The following AIMP2 variants were observed in gnomAD, a reference collection of about 807,000 sequenced individuals.
The protein encoded by AIMP2 is aminoacyl tRNA synthetase complex interacting multifunctional protein 2, also known as aminoacyl tRNA synthase complex-interacting multifunctional protein 2.
Under a neutral mutation model 23.4 loss-of-function variants are expected in AIMP2, and 20 were observed. The ratio of observed to expected loss-of-function variants is 0.85; its 90% CI spans 0.60 to 1.24. The LOEUF (loss-of-function observed/expected upper bound fraction) is 1.24. AIMP2 is among the 50% of genes most tolerant of loss of function. The probability of loss-of-function intolerance (pLI) is 0.00; values close to 1 mark genes in which losing one functional copy is unlikely to be tolerated. For synonymous variants in AIMP2, 210 were observed against 170.4 expected, an observed-to-expected ratio of 1.23 and a Z score of -1.81; for missense variants, 515 against 414.5, an observed-to-expected ratio of 1.24 and a Z score of -2.10.
Position 6,017,951 on chromosome 7 carries a change from C to G in AIMP2, c.480C>G (p.Ser160Arg). ...STVHTHSSVK[S>R]VPENLLKCFG... is the part of the protein sequence containing the mutation. ...TGCACACGCACTCCTCGGTCAAGAG[C>G]GTGCCTGAAAACCTTCTCAAGTGCT... The change falls in exon 3 of 4, where the codon AGC becomes AGG. Residue 160 changes from serine (S) to arginine (R), a missense_variant. Ser to Arg is a moderately radical substitution (Grantham distance 110). Coordinates refer to ENST00000223029, the MANE Select transcript of AIMP2 (RefSeq NM_006303.4). The G allele has an allele frequency of 6.2e-7, 1 of 1,614,030 alleles. No individual in the cohort carries two copies. The highest frequency in any genetic ancestry group is 8.5e-7 in the Non-Finnish European group (1 of 1,180,022).
At chr7:6,022,861 G>A (rs2128882725) in intron 3 of AIMP2, 1 of 166,848 alleles carries the variant, frequency 6.0e-6, no homozygotes, top group Non-Finnish European at 1.3e-5. Flanking sequence ...CTATCCCACA[G>A]ATGTATGCCT....
rs1167436165 is a variant in AIMP2 at position 6,017,905 on chromosome 7, A to G, written c.434A>G (p.His145Arg). The G allele has an allele frequency of 1.2e-6, 2 of 1,613,928 alleles. No individual in the cohort carries two copies. The highest frequency in any genetic ancestry group is 8.5e-7 in the Non-Finnish European group (1 of 1,180,034). Residue 145 changes from histidine to arginine, a missense_variant, in exon 3 of 4, where the codon CAC (histidine) becomes CGC (arginine). Transcript: ENST00000223029. ...LLVLHRLLCE[H>R]FRVLSTVHTH... ...GTGCTGCACAGGCTGCTCTGTGAGC[A>G]CTTCAGGGTCCTGTCCACGGTGCAC... is the stretch of plus-strand genomic sequence containing the variant.
Position 6,017,794 on chromosome 7 carries a change from T to C in AIMP2, c.343-20T>C, listed in dbSNP as rs1787112663. 1.2e-6 allele frequency: 2 copies of C among 1,602,914 alleles called. No individual in the cohort carries two copies. Among genetic ancestry groups the C allele is most frequent in the Non-Finnish European group, 8.5e-7 (1 of 1,172,452 alleles). The stretch of plus-strand genomic sequence containing the variant: ...CTCTCCGATGACTGTTATTCGTACA[T>C]TGTCTTGGTCTTTCCCCAGGATTAC... On this transcript the variant is annotated intron_variant, in intron 2 of 3. Coordinates refer to ENST00000223029, the MANE Select transcript of AIMP2 (RefSeq NM_006303.4).
Position 6,009,285 on chromosome 7 carries a change from C to T in AIMP2, c.-79C>T, listed in dbSNP as rs959791854. ...CGCAGCAGGGTCAGAAGGGAGGTGG[C>T]CGGTCTCCGTCGTGACCTCTGACGG... On this transcript the variant is annotated 5_prime_UTR_variant, in exon 1 of 4. Transcript: ENST00000223029. 2.9e-5 allele frequency: 47 copies of T among 1,606,062 alleles called. No homozygotes were observed. The highest frequency in any genetic ancestry group is 2.3e-4 in the Middle Eastern group (1 of 4,444).
intron 3 of AIMP2, among the ~76,000 whole-genome samples, chr7:6,022,073 T>G (rs1787465229): frequency 6.6e-6 from 1 of 151,978 alleles, no homozygotes; most frequent in African/African-American, 2.4e-5. Flanking sequence ...AATAGTAAAT[T>G]CATTATCATT....
chr7:6,009,324 G>C lies in AIMP2; in HGVS notation c.-40G>C. ...GACCTCTGACGGTTTCTGAGCGTTG[G>C]CCTTTGGCACGCGCTACCCCCTTTT... On this transcript the variant is annotated 5_prime_UTR_variant, in exon 1 of 4. Transcript: ENST00000223029. 1 of 1,611,626 alleles carries C rather than the reference G, an allele frequency of 6.2e-7. No individual in the cohort carries two copies. The highest frequency in any genetic ancestry group is 8.5e-7 in the Non-Finnish European group (1 of 1,179,974).
At position 6,017,890 on chromosome 7, in the gene AIMP2, G is replaced by C. The variant is rs946176280; in HGVS notation, c.419G>C (p.Arg140Thr). 1 of 1,614,008 alleles carries C rather than the reference G, an allele frequency of 6.2e-7. No individual in the cohort carries two copies. The highest frequency in any genetic ancestry group is 8.5e-7 in the Non-Finnish European group (1 of 1,180,034). The change falls in exon 3 of 4, where the codon AGG becomes ACG. Residue 140 changes from arginine (R) to threonine (T), a missense_variant. Physicochemically the swap from Arg to Thr is moderately conservative, Grantham distance 71. Coordinates refer to ENST00000223029, the MANE Select transcript of AIMP2 (RefSeq NM_006303.4). ...SPPLSLLVLH[R>T]LLCEHFRVLS... Reference sequence around the variant, plus strand: ...CCCCTCTCCCTGCTTGTGCTGCACAGGCTGCTCTGTGAGCACTTCAGGGTC... The same window carrying C: ...CCCCTCTCCCTGCTTGTGCTGCACACGCTGCTCTGTGAGCACTTCAGGGTC...
intron 1 of AIMP2, 189 bp from the exon 2 acceptor site, chr7:6,014,957 T>G: frequency 3.1e-6 from 4 of 1,307,004 alleles, no homozygotes; most frequent in South Asian, 1.5e-5. Flanking sequence ...TGACGTCAGA[T>G]GATCTGCCTA....
At chr7:6,021,864 G>C (rs532990349) in intron 3 of AIMP2, among the ~76,000 whole-genome samples, 2 of 152,208 alleles carry the variant, frequency 1.3e-5, no homozygotes, top group Admixed American at 6.6e-5. Context: ...ACTATTTTTA[G>C]AGAAATCAAA....
rs370941772 is a variant in AIMP2, at chr7:6,023,391, T to G, written c.663T>G (p.Phe221Leu). The G allele has an allele frequency of 7.4e-6, 12 of 1,614,088 alleles. No homozygotes were observed. The highest frequency in any genetic ancestry group is 8.5e-6 in the Non-Finnish European group (10 of 1,180,046). The part of the protein sequence containing the change: ...GNIARFLFSL[F>L]GQKHNAVNAT... Reference sequence around the variant, plus strand: ...TTGCACGTTTCTTGTTCTCTCTGTTTGGCCAGAAGCATAATGCTGTCAACG... The same window carrying G: ...TTGCACGTTTCTTGTTCTCTCTGTTGGGCCAGAAGCATAATGCTGTCAACG... Residue 221 changes from phenylalanine (F) to leucine (L), a missense_variant, in exon 4 of 4, where the codon TTT becomes TTG. Transcript: ENST00000223029.
chr7:6,023,248 G>A, intron 3 of AIMP2, 55 bp from the exon 4 acceptor site: 1 of 1,524,330 alleles, frequency 6.6e-7, no homozygotes, highest in Non-Finnish European at 8.7e-7. Context: ...CACTGTGCGA[G>A]TACTTCCCTC....
chr7:6,009,589 C>G, intron 1 of AIMP2, 91 bp downstream of exon 1: 3 of 1,179,696 alleles, frequency 2.5e-6, no homozygotes, highest in Non-Finnish European at 3.3e-6. Flanking sequence ...GCGTCCCAAC[C>G]GGTTCACGGC....
chr7:6,009,287 G>A lies in AIMP2; in HGVS notation c.-77G>A, dbSNP rs1260915924. On this transcript the variant is annotated 5_prime_UTR_variant, in exon 1 of 4. Coordinates refer to ENST00000223029, the MANE Select transcript of AIMP2 (RefSeq NM_006303.4). The stretch of plus-strand genomic sequence containing the variant: ...CAGCAGGGTCAGAAGGGAGGTGGCC[G>A]GTCTCCGTCGTGACCTCTGACGGTT... The A allele has an allele frequency of 1.9e-6, 3 of 1,607,442 alleles. No homozygotes were observed. The highest frequency in any genetic ancestry group is 1.7e-6 in the Non-Finnish European group (2 of 1,177,254).
chr7:6,009,393 C>G lies in AIMP2; in HGVS notation c.30C>G (p.His10Gln), dbSNP rs777401869. 6 of 1,611,542 alleles carry G rather than the reference C, an allele frequency of 3.7e-6. No homozygotes were observed. In the South Asian group the frequency reaches 6.6e-5, roughly 18 times the overall value. The change falls in exon 1 of 4, where the codon CAC (histidine) becomes CAG (glutamine). Residue 10 changes from histidine to glutamine, a missense_variant. By Grantham distance (24) the His-to-Gln change is conservative (BLOSUM62 0). Transcript: ENST00000223029. MPMYQVKPY[H>Q]GGGAPLRVEL... ...CGATGTACCAGGTAAAGCCCTATCA[C>G]GGGGGCGGCGCGCCTCTCCGTGTGG...
In AIMP2 at chr7:6,011,358, G is replaced by C. The variant is rs578232877; in HGVS notation, c.135+1860G>C. 2.8e-3 allele frequency among the ~76,000 whole-genome samples: 427 copies of C among 152,290 alleles called. 1 individual carries two copies. The highest frequency in any genetic ancestry group is 9.9e-3 in the African/African-American group (413 of 41,560). On this transcript the variant is annotated intron_variant, in intron 1 of 3. Coordinates refer to ENST00000223029, the MANE Select transcript of AIMP2 (RefSeq NM_006303.4). Reference sequence around the variant, plus strand: ...GGGTGTAGCGTGGTATCCTAAGGTAGTTTTAGTTTGGATTTCTCCAGACTT... The same window carrying C: ...GGGTGTAGCGTGGTATCCTAAGGTACTTTTAGTTTGGATTTCTCCAGACTT...
At position 6,015,311 on chromosome 7, in the gene AIMP2, T is replaced by G; in HGVS notation, c.301T>G (p.Leu101Val). The G allele has an allele frequency of 6.2e-7, 1 of 1,614,194 alleles. No homozygotes were observed. Among genetic ancestry groups the G allele is most frequent in the African/African-American group, 1.3e-5 (1 of 75,048 alleles). Residue 101 changes from leucine (L) to valine (V), a missense_variant, in exon 2 of 4, where the codon TTA (leucine) becomes GTA (valine). Physicochemically the swap from Leu to Val is conservative, Grantham distance 32. Coordinates refer to ENST00000223029, the MANE Select transcript of AIMP2 (RefSeq NM_006303.4). Reference protein sequence around the residue: ...NIIQADEPTTLTTNALDLNSV... With the variant: ...NIIQADEPTTVTTNALDLNSV... ...AATCCAAGCGGATGAGCCCACGACT[T>G]TAACCACCAATGCGCTGGACTTGAA...
Position 6,009,974 on chromosome 7 carries a change from A to AAAATATACAT in AIMP2, c.135+477_135+478insAATATACATA. On this transcript the variant is annotated intron_variant, in intron 1 of 3. Coordinates refer to ENST00000223029, the MANE Select transcript of AIMP2 (RefSeq NM_006303.4). ...CAAAAAAAAAAAAAAAAAAAAAAAA[A>AAAATATACAT]ATATATATATATATATATGTATGTA... Among the ~76,000 whole-genome samples the AAAATATACAT allele has an allele frequency of 4.5e-3, 119 of 26,674 alleles. 13 individuals are homozygous for AAAATATACAT. The highest frequency in any genetic ancestry group is 0.016 in the African/African-American group (115 of 7,146). The allele number at this position is 26,674 out of a possible 152,430, so 17.5% of individuals were successfully genotyped here.
Position 6,017,847 on chromosome 7 carries a change from G to A in AIMP2, c.376G>A (p.Ala126Thr), listed in dbSNP as rs550952758. 6.9e-5 allele frequency: 112 copies of A among 1,613,940 alleles called. 1 individual carries two copies. The South Asian group carries it at 8.6e-4, about 12-fold the overall frequency. The change falls in exon 3 of 4, where the codon GCA becomes ACA. Residue 126 changes from alanine (A) to threonine (T), a missense_variant. By Grantham distance (58) the Ala-to-Thr change is moderately conservative. Coordinates refer to ENST00000223029, the MANE Select transcript of AIMP2 (RefSeq NM_006303.4). ...GGCGCTGAAAGACATCGTGATCAAC[G>A]CAAACCCGGCCTCCCCTCCCCTCTC... ...YGALKDIVIN[A>T]NPASPPLSLL...
intron 3 of AIMP2, 22 bp downstream of exon 3, chr7:6,018,067 C>T (rs368394121): frequency 1.3e-6 from 2 of 1,582,462 alleles, no homozygotes; most frequent in Non-Finnish European, 1.7e-6. Context: ...GGACTGAGTT[C>T]AACTTACACA....
Sources: allele counts gnomAD v4.1 joint callset (sites outside exome capture counted in the v4.1 genomes callset), GRCh38; gene constraint gnomAD v4.1.1; transcripts MANE v1.5; gene names NCBI Gene and HGNC (gene_info 2026-07-23, HGNC 2026-07-21).